Variants in MRM2 observed in about 807,000 individuals in gnomAD.
MRM2 encodes the protein mitochondrial rRNA methyltransferase 2, also known as rRNA methyltransferase 2, mitochondrial.
A neutral mutation model predicts 10.9 loss-of-function variants in MRM2; 15 were observed. The observed-to-expected ratio is 1.37, with a 90% CI of 0.92 to 2.11. The LOEUF (loss-of-function observed/expected upper bound fraction) is 2.11. Ranked by LOEUF, MRM2 falls within the 30% of genes most tolerant of loss-of-function variation. MRM2 has a pLI of 0.00. For synonymous variants in MRM2, 139 were observed against 128.7 expected, an observed-to-expected ratio of 1.08 and a Z score of -0.54; for missense variants, 328 against 321.3, an observed-to-expected ratio of 1.02 and a Z score of -0.16.
At chr7:2,238,517 T>C (rs1322157458) in intron 2 of MRM2, 1 of 152,214 alleles carries the variant, frequency 6.6e-6, no homozygotes, top group African/African-American at 2.4e-5. Context: ...AAAGAATCCA[T>C]AGCCCTGGCC....
intron 2 of MRM2, 86 bp downstream of exon 2, chr7:2,239,332 C>T (rs1794477821): frequency 1.5e-6 from 2 of 1,348,708 alleles, no homozygotes; most frequent in South Asian, 1.2e-5. Context: ...GCTCCACCAT[C>T]CCGCATCCAC....
chr7:2,235,917 T>G (rs1225131799), intron 2 of MRM2, among the ~76,000 whole-genome samples: 1 of 152,194 alleles, frequency 6.6e-6, no homozygotes, highest in Non-Finnish European at 1.5e-5. Context: ...TATCTCTGAG[T>G]GCTCTTTTTG....
chr7:2,239,307 C>T (rs1043160085), intron 2 of MRM2, 111 bp downstream of exon 2: 16 of 1,055,352 alleles, frequency 1.5e-5, no homozygotes, highest in African/African-American at 7.8e-5. Flanking sequence ...CGGAAGCACA[C>T]GCCTTCAAAA....
chr7:2,234,943 A>G lies in MRM2; in HGVS notation c.*179T>C. 1 of 596,448 alleles carries G rather than the reference A, an allele frequency of 1.7e-6. No individual in the cohort carries two copies. The highest frequency in any genetic ancestry group is 2.8e-5 in the East Asian group (1 of 35,952). 36.9% of individuals were successfully genotyped at this position (596,448 alleles called of 1,614,324 possible). Reference sequence around the variant, plus strand: ...TTCATTTTCCATGGCCCCTGAACTTAGTTTTGTCATCTCTTTTTGGTTAAA... The same window carrying G: ...TTCATTTTCCATGGCCCCTGAACTTGGTTTTGTCATCTCTTTTTGGTTAAA... On this transcript the variant is annotated 3_prime_UTR_variant, in exon 3 of 3. Coordinates refer to ENST00000242257, the MANE Select transcript of MRM2 (RefSeq NM_013393.3).
At chr7:2,237,187 C>T (rs968139804) in intron 2 of MRM2, among the ~76,000 whole-genome samples, 14 of 152,094 alleles carry the variant, frequency 9.2e-5, no homozygotes, top group Admixed American at 5.9e-4. Context: ...TTTGTAGAGA[C>T]GGGGGTTTCA....
rs776534997 is a variant in MRM2 at position 2,235,083 on chromosome 7, AG to A, written c.*38del. Reference sequence around the variant, plus strand: ...GCTCAGGCTACGTTTCTAGCTTAAAAGGAGCTAATGACCATTATGAAAATGG... The same window carrying A: ...GCTCAGGCTACGTTTCTAGCTTAAAAGAGCTAATGACCATTATGAAAATGG... On this transcript the variant is annotated 3_prime_UTR_variant, in exon 3 of 3. Coordinates refer to ENST00000242257, the MANE Select transcript of MRM2 (RefSeq NM_013393.3). 1 of 1,483,512 alleles carries A rather than the reference AG, an allele frequency of 6.7e-7. No individual in the cohort carries two copies. Among genetic ancestry groups the A allele is most frequent in the Non-Finnish European group, 9.3e-7 (1 of 1,070,370 alleles). 91.9% of individuals were successfully genotyped at this position (1,483,512 alleles called of 1,614,324 possible). A position where few individuals can be genotyped will look rare whatever the true frequency, so the allele number is the denominator to read the frequency against.
chr7:2,235,929 T>C (rs1239006039), intron 2 of MRM2, among the ~76,000 whole-genome samples: 1 of 152,180 alleles, frequency 6.6e-6, no homozygotes, highest in Admixed American at 6.5e-5. Context: ...CTCTTTTTGA[T>C]AAACTAAAAT....
At chr7:2,239,009 ATATATATATATATATAT>A (rs1178731898) in intron 2 of MRM2, 4,045 of 70,174 alleles carry the variant, frequency 0.058, 294 homozygotes, top group Non-Finnish European at 0.078. Context: ...ATATATATAT[ATATATATATATATATAT>A]ATAATACATA....
In MRM2 at chr7:2,242,158, T is replaced by G; in HGVS notation, c.8+4A>C. On this transcript the variant is annotated splice_donor_region_variant and intron_variant, in intron 1 of 2. Coordinates refer to ENST00000242257, the MANE Select transcript of MRM2 (RefSeq NM_013393.3). ...TGCACGCGCAGCAGCAGCGCCCAGC[T>G]CACCCCGCCATTGGTGTTCCCCGCG... 6.3e-7 allele frequency: 1 copy of G among 1,582,304 alleles called. No homozygotes were observed. The highest frequency in any genetic ancestry group is 8.6e-7 in the Non-Finnish European group (1 of 1,168,628).
chr7:2,236,646 A>G lies in MRM2; in HGVS notation c.299-1082T>C, dbSNP rs537574228. 2.3e-4 allele frequency among the ~76,000 whole-genome samples: 35 copies of G among 152,302 alleles called. 1 individual carries two copies. The East Asian group carries it at 6.2e-3, about 27-fold the overall frequency. ...GGGTTTCGCCTTTGAAAAATGAGGT[A>G]ATCTTCAAAATACCTGGACTTCCAA... On this transcript the variant is annotated intron_variant, in intron 2 of 2. Coordinates refer to ENST00000242257, the MANE Select transcript of MRM2 (RefSeq NM_013393.3).
chr7:2,238,395 A>C (rs888532596), intron 2 of MRM2: 3 of 152,256 alleles, frequency 2.0e-5, no homozygotes, highest in Non-Finnish European at 4.4e-5. Flanking sequence ...CTTCAGTTGC[A>C]TGGGCGGTTG....
At position 2,235,403 on chromosome 7, in the gene MRM2, C is replaced by T. The variant is rs1202547169; in HGVS notation, c.460G>A (p.Asp154Asn). 1.9e-6 allele frequency: 3 copies of T among 1,613,930 alleles called. No homozygotes were observed. The highest frequency in any genetic ancestry group is 1.7e-5 in the Admixed American group (1 of 59,988). The change falls in exon 3 of 3, where the codon GAC becomes AAC. Residue 154 changes from aspartate (D) to asparagine (N), a missense_variant. Coordinates refer to ENST00000242257, the MANE Select transcript of MRM2 (RefSeq NM_013393.3). The part of the protein sequence containing the change: ...PGRRADVILS[D>N]MAPNATGFRD... ...AACCCTGTGGCATTGGGCGCCATGT[C>T]GCTCAGAATCACATCTGCTCTCCTG...
rs909130007 is a variant in MRM2 at position 2,235,260 on chromosome 7, G to A, written c.603C>T (p.Ser201=). The change falls in exon 3 of 3, where the codon AGC becomes AGT. Residue 201 remains serine, a synonymous_variant. Coordinates refer to ENST00000242257, the MANE Select transcript of MRM2 (RefSeq NM_013393.3). ...CTGTCAGTCTCCTCTGTAACCGACGGCTTTGACTTCCAGCCCAGGTTTTAC... is the reference window on the plus strand; with the variant it reads ...CTGTCAGTCTCCTCTGTAACCGACGACTTTGACTTCCAGCCCAGGTTTTAC... ...FLCKTWAGSQ[S]RRLQRRLTEE... is the part of the protein sequence containing the mutation. 1.9e-5 allele frequency: 30 copies of A among 1,614,006 alleles called. No individual in the cohort carries two copies. Among genetic ancestry groups the A allele is most frequent in the Non-Finnish European group, 2.4e-5 (28 of 1,180,014 alleles).
chr7:2,242,091 C>G, intron 1 of MRM2, 71 bp downstream of exon 1: 2 of 1,529,294 alleles, frequency 1.3e-6, no homozygotes, highest in Admixed American at 1.8e-5. Flanking sequence ...AGGCCAGGAC[C>G]GAGGAAGGCG....
chr7:2,239,106 TC>T, intron 2 of MRM2: 5 of 762,992 alleles, frequency 6.6e-6, no homozygotes, highest in Non-Finnish European at 1.2e-5. Context: ...TGGCACAACA[TC>T]GCTTTTGAAA....
Position 2,242,147 on chromosome 7 carries a change from C to A in MRM2, c.8+15G>T. 2.5e-6 allele frequency: 4 copies of A among 1,583,088 alleles called. No homozygotes were observed. The highest frequency in any genetic ancestry group is 1.7e-6 in the Non-Finnish European group (2 of 1,168,614). ...CTCCCGCTGTCTGCACGCGCAGCAG[C>A]AGCGCCCAGCTCACCCCGCCATTGG... On this transcript the variant is annotated intron_variant, in intron 1 of 2. Transcript: ENST00000242257.
chr7:2,240,926 C>G (rs931212826), intron 1 of MRM2, among the ~76,000 whole-genome samples: 2 of 152,158 alleles, frequency 1.3e-5, no homozygotes, highest in Admixed American at 1.3e-4. Flanking sequence ...AAACTCCTGA[C>G]CTCCGCTGAT....
intron 2 of MRM2, among the ~76,000 whole-genome samples, chr7:2,237,022 T>A (rs762498857): frequency 1.6e-4 from 24 of 146,384 alleles, no homozygotes; most frequent in Non-Finnish European, 2.5e-4. Context: ...TATCTTTGTG[T>A]GTCTTTGTGT....
chr7:2,239,140 C>T (rs758364450), intron 2 of MRM2: 8 of 778,548 alleles, frequency 1.0e-5, no homozygotes, highest in Admixed American at 5.1e-5. Context: ...TATGCATGCA[C>T]AAGCCTGGAA....
Sources: allele counts gnomAD v4.1 joint callset (sites outside exome capture counted in the v4.1 genomes callset), GRCh38; gene constraint gnomAD v4.1.1; transcripts MANE v1.5; gene names NCBI Gene and HGNC (gene_info 2026-07-23, HGNC 2026-07-21).